Variants in CSMD1 observed in about 807,000 individuals in gnomAD.
CSMD1 encodes CUB and sushi domain-containing protein 1.
Under a neutral mutation model 417.5 loss-of-function variants are expected in CSMD1, and 213 were observed. That is an observed-to-expected ratio of 0.51 (90% CI 0.46 to 0.57). CSMD1 has a LOEUF of 0.57. Among genes scored for constraint, CSMD1 ranks in the 20% least tolerant of loss-of-function variants. The pLI, the probability that CSMD1 is intolerant of heterozygous loss-of-function variation, is 0.00. For synonymous variants in CSMD1, 2,862 were observed against 1,736.8 expected (o/e 1.65, Z -16.11); for missense variants, 6,923 against 4,529.7 (o/e 1.53, Z -15.17).
intron 3 of CSMD1, among the ~76,000 whole-genome samples, chr8:4,209,448 G>T (rs1274631393): frequency 6.6e-6 from 1 of 152,192 alleles, no homozygotes; most frequent in Non-Finnish European, 1.5e-5. Flanking sequence ...CAAGCCAAGT[G>T]AGGACATTGT....
chr8:4,332,686 G>T (rs1369585456), intron 3 of CSMD1, among the ~76,000 whole-genome samples: 2 of 151,678 alleles, frequency 1.3e-5, no homozygotes, highest in African/African-American at 2.4e-5. Context: ...ACCCCTGGGG[G>T]AATATTAAAT....
chr8:3,673,769 C>T (rs989951189), intron 7 of CSMD1, among the ~76,000 whole-genome samples: 1 of 152,162 alleles, frequency 6.6e-6, no homozygotes. Context: ...AGCATGAAAG[C>T]ATGAAGGTGC....
At chr8:4,139,629 A>AAT (rs1803658002) in intron 3 of CSMD1, among the ~76,000 whole-genome samples, 3 of 151,100 alleles carry the variant, frequency 2.0e-5, no homozygotes, top group Admixed American at 6.6e-5. Context: ...GGGCATTTGG[A>AAT]ATAGTGGGAC....
intron 52 of CSMD1, among the ~76,000 whole-genome samples, chr8:3,004,464 A>G (rs1224100782): frequency 6.6e-6 from 1 of 152,224 alleles, no homozygotes; most frequent in East Asian, 1.9e-4. Context: ...TTCTGCGTGA[A>G]TTTATTAGTC....
chr8:4,981,677 G>C (rs2924717), intron 1 of CSMD1, among the ~76,000 whole-genome samples: 30,771 of 152,026 alleles, frequency 0.2, 4,427 homozygotes, highest in African/African-American at 0.41. Flanking sequence ...AGAGTGTGTG[G>C]TGAACAGACT....
At chr8:3,439,303 ATATATATTT>A (rs1421590912) in intron 12 of CSMD1, among the ~76,000 whole-genome samples, 1,665 of 37,920 alleles carry the variant, frequency 0.044, 81 homozygotes, top group African/African-American at 0.17. Context: ...ATATATATAT[ATATATATTT>A]TTTTTTTTAA....
intron 1 of CSMD1, among the ~76,000 whole-genome samples, chr8:4,794,061 G>A (rs1479958716): frequency 6.6e-6 from 1 of 152,102 alleles, no homozygotes; most frequent in Non-Finnish European, 1.5e-5. Flanking sequence ...TTTGCCTTAA[G>A]GTTGGATTTA....
chr8:3,868,710 C>T (rs1471043211), intron 5 of CSMD1, among the ~76,000 whole-genome samples: 1 of 152,164 alleles, frequency 6.6e-6, no homozygotes, highest in African/African-American at 2.4e-5. Context: ...TTCCTAAAAG[C>T]CTTGGGGGCA....
intron 3 of CSMD1, among the ~76,000 whole-genome samples, chr8:4,331,386 T>A (rs992665353): frequency 2.0e-5 from 3 of 152,168 alleles, no homozygotes; most frequent in African/African-American, 7.2e-5. Flanking sequence ...TGTTGCGAGG[T>A]GTCTACAGTT....
chr8:3,970,747 T>G (rs1395377797), intron 5 of CSMD1, among the ~76,000 whole-genome samples: 1 of 151,790 alleles, frequency 6.6e-6, no homozygotes, highest in African/African-American at 2.4e-5. Context: ...GGCATCTTGT[T>G]TTTTGTTTTT....
chr8:3,957,618 G>A (rs1413755240), intron 5 of CSMD1, among the ~76,000 whole-genome samples: 1 of 152,022 alleles, frequency 6.6e-6, no homozygotes, highest in Non-Finnish European at 1.5e-5. Context: ...CAGGAGTTCG[G>A]GGTTGCAGTG....
intron 50 of CSMD1, among the ~76,000 whole-genome samples, chr8:3,040,413 T>TATAA (rs1554496473): frequency 7.2e-6 from 1 of 139,800 alleles, no homozygotes; most frequent in Admixed American, 7.2e-5. Context: ...TATATATATA[T>TATAA]AACAGAAATA....
At chr8:3,769,479 T>C (rs1002661656) in intron 5 of CSMD1, among the ~76,000 whole-genome samples, 2 of 118,680 alleles carry the variant, frequency 1.7e-5, no homozygotes, top group Admixed American at 1.6e-4. Context: ...TCCACAGTTG[T>C]TGAGAAAATA....
At chr8:3,231,492 T>C (rs1217232513) in intron 26 of CSMD1, among the ~76,000 whole-genome samples, 2 of 152,158 alleles carry the variant, frequency 1.3e-5, no homozygotes, top group East Asian at 1.9e-4. Flanking sequence ...GAAGCATTTG[T>C]GTGTGTGCGT....
intron 3 of CSMD1, among the ~76,000 whole-genome samples, chr8:4,231,298 T>G (rs1429608051): frequency 3.3e-5 from 5 of 152,178 alleles, no homozygotes; most frequent in African/African-American, 1.2e-4. Flanking sequence ...GAAAAGCGTG[T>G]GAGGCTCAGA....
intron 1 of CSMD1, among the ~76,000 whole-genome samples, chr8:4,806,965 T>C (rs1310425087): frequency 1.3e-5 from 2 of 152,328 alleles, no homozygotes; most frequent in African/African-American, 2.4e-5. Flanking sequence ...CTATGTGGCA[T>C]TTTGATTTTT....
intron 5 of CSMD1, among the ~76,000 whole-genome samples, chr8:3,817,274 T>TGAGA (rs1444039616): frequency 1.4e-4 from 9 of 66,156 alleles, no homozygotes; most frequent in African/African-American, 3.4e-4. Flanking sequence ...TTTTTTTTTT[T>TGAGA]TTTTTTTTTT....
intron 33 of CSMD1, among the ~76,000 whole-genome samples, chr8:3,199,468 T>A (rs1796874154): frequency 6.6e-6 from 1 of 152,198 alleles, no homozygotes; most frequent in Non-Finnish European, 1.5e-5. Flanking sequence ...TCAATATTTA[T>A]TCCCTTCTAG....
chr8:3,013,403 A>G (rs1808567883), intron 52 of CSMD1, among the ~76,000 whole-genome samples: 1 of 152,180 alleles, frequency 6.6e-6, no homozygotes, highest in Non-Finnish European at 1.5e-5. Flanking sequence ...CATTTTAAAT[A>G]TTTGAAAATA....
Sources: gnomAD v4.1 joint callset for allele counts (sites outside exome capture counted in the v4.1 genomes callset) on GRCh38, gnomAD v4.1.1 for gene constraint, MANE v1.5 for transcripts, NCBI Gene and HGNC (gene_info 2026-07-23, HGNC 2026-07-21) for gene names.